MYRIP: variants seen among roughly 807,000 people sequenced by gnomAD.
MYRIP encodes the protein rab effector MyRIP.
MYRIP carries 49 observed loss-of-function variants against 98.0 expected under a neutral mutation model. The observed-to-expected ratio is 0.50, with a 90% confidence interval of 0.40 to 0.63. The LOEUF (loss-of-function observed/expected upper bound fraction) is 0.63. Among genes scored for constraint, MYRIP ranks in the 30% least tolerant of loss-of-function variants. The pLI is 0.00. For missense variants in MYRIP, 1,004 were observed against 1,058.2 expected, an observed-to-expected ratio of 0.95 and a Z score of 0.71; for synonymous variants, 404 against 409.5, an observed-to-expected ratio of 0.99 and a Z score of 0.16.
intron 2 of MYRIP, among the ~76,000 whole-genome samples, chr3:40,025,891 C>G (rs1203835179): frequency 1.3e-5 from 2 of 152,076 alleles, no homozygotes; most frequent in African/African-American, 4.8e-5. Context: ...GCAAAGATCA[C>G]AAGGCAAAGA....
At chr3:40,059,954 C>A (rs2125847182) in intron 3 of MYRIP, among the ~76,000 whole-genome samples, 1 of 152,260 alleles carries the variant, frequency 6.6e-6, no homozygotes, top group African/African-American at 2.4e-5. Context: ...AGATAACAAG[C>A]AAGGCAGAGA....
At chr3:39,963,240 T>C (rs570855169) in intron 2 of MYRIP, among the ~76,000 whole-genome samples, 1 of 152,208 alleles carries the variant, frequency 6.6e-6, no homozygotes, top group South Asian at 2.1e-4. Context: ...ATGATGTGAG[T>C]GAACAGCCGG....
At position 40,259,895 on chromosome 3, in the gene MYRIP, T is replaced by C. The variant is rs1014136434; in HGVS notation, c.*1729T>C. 3 of 152,678 alleles carry C rather than the reference T, an allele frequency of 2.0e-5. No individual in the cohort carries two copies. Among genetic ancestry groups the C allele is most frequent in the Non-Finnish European group, 4.4e-5 (3 of 68,036 alleles). The allele number at this position is 152,678 out of a possible 1,614,324, so 9.5% of individuals were successfully genotyped here. A position where few individuals can be genotyped will look rare whatever the true frequency, so the allele number is the denominator to read the frequency against. On this transcript the variant is annotated 3_prime_UTR_variant, in exon 17 of 17. Transcript: ENST00000302541. ...CTTTAAGAGGCATGAAAAGCAACTA[T>C]TGTTGTGTTACAGTGTTAAAAATAT...
At chr3:39,986,671 T>G (rs1946039662) in intron 2 of MYRIP, among the ~76,000 whole-genome samples, 1 of 152,156 alleles carries the variant, frequency 6.6e-6, no homozygotes, top group African/African-American at 2.4e-5. Flanking sequence ...CCCTGATGGC[T>G]CGGAGCTGCT....
At chr3:40,135,277 G>T (rs1234375049) in intron 3 of MYRIP, among the ~76,000 whole-genome samples, 3 of 152,126 alleles carry the variant, frequency 2.0e-5, no homozygotes, top group South Asian at 4.1e-4. Context: ...GGAAGAAAGG[G>T]TATCAGTGAT....
intron 2 of MYRIP, among the ~76,000 whole-genome samples, chr3:40,010,174 T>C (rs1368779510): frequency 6.6e-6 from 1 of 152,208 alleles, no homozygotes; most frequent in Non-Finnish European, 1.5e-5. Context: ...CGAGAGGGAA[T>C]GCAACAGCAC....
chr3:39,841,289 T>C (rs1380059663), intron 1 of MYRIP, among the ~76,000 whole-genome samples: 1 of 152,142 alleles, frequency 6.6e-6, no homozygotes, highest in Non-Finnish European at 1.5e-5. Context: ...GCTGTGTTTT[T>C]CAGCTCCATC....
intron 13 of MYRIP, among the ~76,000 whole-genome samples, chr3:40,246,826 A>G (rs1167110931): frequency 6.6e-6 from 1 of 152,202 alleles, no homozygotes; most frequent in African/African-American, 2.4e-5. Flanking sequence ...ACAACTCCTG[A>G]CATCATTAAC....
chr3:39,955,980 A>T (rs1188055918), intron 2 of MYRIP, among the ~76,000 whole-genome samples: 2 of 152,250 alleles, frequency 1.3e-5, no homozygotes, highest in African/African-American at 4.8e-5. Flanking sequence ...AGAGCTAACT[A>T]TCCTAAATAT....
chr3:40,169,788 T>C (rs539889108), intron 7 of MYRIP, among the ~76,000 whole-genome samples, 162 bp from the exon 8 acceptor site: 1 of 152,352 alleles, frequency 6.6e-6, no homozygotes, highest in South Asian at 2.1e-4. Context: ...AAGGCTATAA[T>C]TGTGCTGGTT....
At chr3:40,068,631 A>C (rs921544804) in intron 3 of MYRIP, among the ~76,000 whole-genome samples, 15 of 152,240 alleles carry the variant, frequency 9.9e-5, no homozygotes, top group Admixed American at 2.6e-4. Context: ...AATCAAGGAT[A>C]CTACATTCAA....
chr3:40,184,364 A>G (rs1191729111), intron 9 of MYRIP, among the ~76,000 whole-genome samples: 1 of 152,154 alleles, frequency 6.6e-6, no homozygotes, highest in African/African-American at 2.4e-5. Context: ...AAGTATAATA[A>G]AAAAAATACA....
chr3:40,129,224 C>G (rs893569165), intron 3 of MYRIP, among the ~76,000 whole-genome samples: 2 of 151,398 alleles, frequency 1.3e-5, no homozygotes, highest in Non-Finnish European at 2.9e-5. Context: ...ATCACTTGAG[C>G]TCAGGAGTTC....
intron 2 of MYRIP, among the ~76,000 whole-genome samples, chr3:40,015,525 C>T (rs1559561466): frequency 6.6e-6 from 1 of 152,340 alleles, no homozygotes; most frequent in East Asian, 1.9e-4. Context: ...CATAGCAGGG[C>T]AATGCCAGAG....
intron 10 of MYRIP, among the ~76,000 whole-genome samples, chr3:40,207,483 G>A (rs557202315): frequency 5.8e-4 from 88 of 152,114 alleles, no homozygotes; most frequent in African/African-American, 2.1e-3. Flanking sequence ...TCCAATAGAT[G>A]TTTTTCTCTT....
At chr3:39,930,767 T>C (rs6788322) in intron 2 of MYRIP, among the ~76,000 whole-genome samples, 56,350 of 151,830 alleles carry the variant, frequency 0.37, 10,773 homozygotes, top group East Asian at 0.45. Context: ...CTCAGTACCA[T>C]TTATTGAAAA....
intron 2 of MYRIP, among the ~76,000 whole-genome samples, chr3:40,018,609 A>C (rs1256799343): frequency 6.6e-6 from 1 of 151,734 alleles, no homozygotes; most frequent in Non-Finnish European, 1.5e-5. Flanking sequence ...TCACCATGTC[A>C]CTCATGCCCA....
At chr3:39,842,507 T>C (rs1461589651) in intron 1 of MYRIP, among the ~76,000 whole-genome samples, 2 of 152,044 alleles carry the variant, frequency 1.3e-5, no homozygotes, top group Admixed American at 1.3e-4. Flanking sequence ...CACTGGGGTA[T>C]GAAAGAAAAC....
chr3:40,097,191 C>T (rs888288783), intron 3 of MYRIP, among the ~76,000 whole-genome samples: 2 of 152,228 alleles, frequency 1.3e-5, no homozygotes, highest in Non-Finnish European at 2.9e-5. Context: ...GTTCTAAGCA[C>T]TCACCTACCC....
Sources: gnomAD v4.1 joint callset for allele counts (sites outside exome capture counted in the v4.1 genomes callset) on GRCh38, gnomAD v4.1.1 for gene constraint, MANE v1.5 for transcripts, NCBI Gene and HGNC (gene_info 2026-07-23, HGNC 2026-07-21) for gene names.